The following PDIA5 variants were observed in gnomAD, a reference collection of about 807,000 sequenced individuals.
PDIA5 encodes the protein protein disulfide-isomerase A5.
Under a neutral mutation model 77.6 loss-of-function variants are expected in PDIA5, and 58 were observed. The ratio of observed to expected loss-of-function variants is 0.75; its 90% CI spans 0.61 to 0.93. PDIA5 has a LOEUF of 0.93. PDIA5 is among the 40% of genes least tolerant of loss of function. The pLI is 0.00. For synonymous variants in PDIA5, 250 were observed against 252.1 expected (o/e 0.99, Z 0.08); for missense variants, 630 against 647.7 (o/e 0.97, Z 0.30).
chr3:123,068,299 T>C (rs1189315049), intron 1 of PDIA5, among the ~76,000 whole-genome samples: 1 of 152,166 alleles, frequency 6.6e-6, no homozygotes, highest in Non-Finnish European at 1.5e-5. Flanking sequence ...GTTGAGTTGC[T>C]TGAAACACTT....
intron 15 of PDIA5, among the ~76,000 whole-genome samples, chr3:123,158,888 T>G (rs1052196478): frequency 6.6e-6 from 1 of 152,232 alleles, no homozygotes; most frequent in Non-Finnish European, 1.5e-5. Context: ...AAGAGCTTTA[T>G]TCGCTGCCTT....
At chr3:123,122,728 G>A (rs970223534) in intron 8 of PDIA5, among the ~76,000 whole-genome samples, 1 of 152,160 alleles carries the variant, frequency 6.6e-6, no homozygotes. Context: ...ACTTGCCCAA[G>A]GTCACATGAC....
intron 11 of PDIA5, among the ~76,000 whole-genome samples, chr3:123,142,166 G>A (rs1266415146): frequency 6.6e-6 from 1 of 152,232 alleles, no homozygotes; most frequent in Non-Finnish European, 1.5e-5. Context: ...CTGAGGTGGG[G>A]GTCGCTGCCT....
At chr3:123,150,880 T>C (rs577386147) in intron 14 of PDIA5, among the ~76,000 whole-genome samples, 1 of 152,334 alleles carries the variant, frequency 6.6e-6, no homozygotes, top group South Asian at 2.1e-4. Flanking sequence ...TCTGCCGACA[T>C]TGGCATCGGT....
At chr3:123,148,699 T>C (rs1935821072) in intron 13 of PDIA5, among the ~76,000 whole-genome samples, 2 of 152,206 alleles carry the variant, frequency 1.3e-5, no homozygotes, top group Non-Finnish European at 2.9e-5. Context: ...CTCCATTTCA[T>C]CCTCAAGTCC....
chr3:123,146,529 C>T (rs1046640467), intron 13 of PDIA5, among the ~76,000 whole-genome samples: 6 of 152,222 alleles, frequency 3.9e-5, no homozygotes, highest in Admixed American at 3.9e-4. Context: ...TCCTTAGGCC[C>T]AGATCTTATT....
At position 123,130,585 on chromosome 3, in the gene PDIA5, C is replaced by G; in HGVS notation, c.879C>G (p.His293Gln). Residue 293 changes from histidine to glutamine, a missense_variant, in exon 11 of 17, where the codon CAC (histidine) becomes CAG (glutamine). His to Gln is a conservative substitution (Grantham distance 24). Transcript: ENST00000316218. ...DEDFDQFVKE[H>Q]SSVLVMFHAP... ...ACTTTGACCAGTTTGTGAAGGAACA[C>G]TCCTCTGTCCTCGTCATGTTCCACG... 1 of 1,614,150 alleles carries G rather than the reference C, an allele frequency of 6.2e-7. No individual in the cohort carries two copies.
intron 11 of PDIA5, among the ~76,000 whole-genome samples, chr3:123,131,106 TACAA>T (rs926303539): frequency 1.3e-5 from 2 of 152,128 alleles, no homozygotes; most frequent in African/African-American, 4.8e-5. Context: ...ACCCCATCTC[TACAA>T]ACAATTAAAA....
chr3:123,069,853 G>T (rs956886005), intron 1 of PDIA5, among the ~76,000 whole-genome samples: 2 of 152,122 alleles, frequency 1.3e-5, no homozygotes, highest in African/African-American at 4.8e-5. Context: ...AGTTTGGGAG[G>T]CTGAGGCGGG....
rs115683106 is a variant in PDIA5 at position 123,085,756 on chromosome 3, A to G, written c.43-3412A>G. ...TACCAGCCTCAGGAGGGGCTGGACT[A>G]CAGGTCAGAGTCCTGAGGCCCTGGG... is the stretch of plus-strand genomic sequence containing the variant. On this transcript the variant is annotated intron_variant, in intron 1 of 16. Coordinates refer to ENST00000316218, the MANE Select transcript of PDIA5 (RefSeq NM_006810.4). Among the ~76,000 whole-genome samples, 738 of 152,242 alleles carry G rather than the reference A, an allele frequency of 4.8e-3. 4 individuals are homozygous for G. Among genetic ancestry groups the G allele is most frequent in the African/African-American group, 0.016 (685 of 41,534 alleles).
intron 3 of PDIA5, among the ~76,000 whole-genome samples, chr3:123,092,743 C>A (rs1242978460): frequency 6.6e-6 from 1 of 152,096 alleles, no homozygotes; most frequent in African/African-American, 2.4e-5. Flanking sequence ...CAGAGGGGGC[C>A]TTCCTGTCTT....
At chr3:123,118,065 T>G (rs967989035) in intron 8 of PDIA5, among the ~76,000 whole-genome samples, 39 of 152,312 alleles carry the variant, frequency 2.6e-4, no homozygotes, top group African/African-American at 9.1e-4. Context: ...CAAAGTCAAC[T>G]TAAAAAGTTT....
intron 13 of PDIA5, among the ~76,000 whole-genome samples, chr3:123,147,091 G>C (rs577132982): frequency 2.0e-5 from 3 of 152,128 alleles, no homozygotes; most frequent in African/African-American, 7.2e-5. Flanking sequence ...GATTACAGGC[G>C]TGAACCACCA....
intron 11 of PDIA5, among the ~76,000 whole-genome samples, chr3:123,133,693 G>T (rs1274926469): frequency 6.6e-6 from 1 of 152,152 alleles, no homozygotes; most frequent in Non-Finnish European, 1.5e-5. Context: ...CTATAAAAAG[G>T]CATACTTTCA....
intron 14 of PDIA5, among the ~76,000 whole-genome samples, chr3:123,153,806 C>G (rs895539702): frequency 2.0e-5 from 3 of 152,152 alleles, no homozygotes; most frequent in Non-Finnish European, 4.4e-5. Flanking sequence ...TTCACAAAAC[C>G]CTTTGAAATG....
intron 3 of PDIA5, among the ~76,000 whole-genome samples, chr3:123,100,155 A>G (rs1403476446): frequency 2.0e-5 from 3 of 152,240 alleles, no homozygotes; most frequent in Non-Finnish European, 4.4e-5. Flanking sequence ...GGAAGGTGCC[A>G]TGTGAGTGGT....
chr3:123,113,844 C>T (rs750810335), intron 7 of PDIA5, among the ~76,000 whole-genome samples: 1 of 152,156 alleles, frequency 6.6e-6, no homozygotes, highest in African/African-American at 2.4e-5. Flanking sequence ...GAAATGTTTG[C>T]TCACTGAATT....
intron 12 of PDIA5, 24 bp downstream of exon 12, chr3:123,145,616 C>G (rs1935749192): frequency 6.4e-7 from 1 of 1,574,392 alleles, no homozygotes. Context: ...CCTTCCCCCT[C>G]ACCGTTCTCT....
intron 11 of PDIA5, among the ~76,000 whole-genome samples, chr3:123,135,711 A>G (rs1935483198): frequency 6.7e-6 from 1 of 148,748 alleles, no homozygotes; most frequent in Non-Finnish European, 1.5e-5. Context: ...AAGGAAAGAA[A>G]CTACCTATAA....
Sources: allele counts gnomAD v4.1 joint callset (sites outside exome capture counted in the v4.1 genomes callset), GRCh38; gene constraint gnomAD v4.1.1; transcripts MANE v1.5; gene names NCBI Gene and HGNC (gene_info 2026-07-23, HGNC 2026-07-21).